CAMTA1: variants seen among roughly 807,000 people sequenced by gnomAD.
CAMTA1 encodes the protein calmodulin-binding transcription activator 1.
CAMTA1 carries 27 observed loss-of-function variants against 170.9 expected under a neutral mutation model. The ratio of observed to expected loss-of-function variants is 0.16; its 90% CI spans 0.12 to 0.22. The LOEUF (loss-of-function observed/expected upper bound fraction) is 0.22, where lower values mean the gene tolerates loss of function less well. Ranked by LOEUF, CAMTA1 falls within the 10% of genes least tolerant of loss-of-function variation. CAMTA1 has a pLI of 1.00. For missense variants in CAMTA1, 1,619 were observed against 2,217.2 expected, an observed-to-expected ratio of 0.73 and a Z score of 5.42; for synonymous variants, 833 against 891.5, an observed-to-expected ratio of 0.93 and a Z score of 1.17.
At chr1:7,317,189 G>A (rs934522094) in intron 5 of CAMTA1, among the ~76,000 whole-genome samples, 1 of 152,206 alleles carries the variant, frequency 6.6e-6, no homozygotes, top group East Asian at 1.9e-4. Context: ...CAGGCCTGCG[G>A]GAGTAGGAAG....
chr1:7,061,451 C>T (rs1276198897), intron 3 of CAMTA1, among the ~76,000 whole-genome samples: 1 of 152,198 alleles, frequency 6.6e-6, no homozygotes, highest in Non-Finnish European at 1.5e-5. Flanking sequence ...TGAGTAGCGG[C>T]GTCTGTGCCA....
At chr1:7,660,359 G>A (rs1576664758) in intron 7 of CAMTA1, among the ~76,000 whole-genome samples, 2 of 152,142 alleles carry the variant, frequency 1.3e-5, no homozygotes, top group African/African-American at 2.4e-5. Context: ...GAGCCACTGC[G>A]CCTGGCCTCT....
Position 7,007,183 on chromosome 1 carries a change from G to A in CAMTA1, c.235-84121G>A, listed in dbSNP as rs1222201114. Among the ~76,000 whole-genome samples the A allele has an allele frequency of 6.6e-6, 1 of 152,044 alleles. No individual in the cohort carries two copies. Among genetic ancestry groups the A allele is most frequent in the Non-Finnish European group, 1.5e-5 (1 of 68,010 alleles). Reference sequence around the variant, plus strand: ...AGAGAGGTGCTCTGCTGCTGGCTGCGGCAAGGAACTGATCACATAGGATCT... The same window carrying A: ...AGAGAGGTGCTCTGCTGCTGGCTGCAGCAAGGAACTGATCACATAGGATCT... On this transcript the variant is annotated intron_variant, in intron 3 of 22. Coordinates refer to ENST00000303635, the MANE Select transcript of CAMTA1 (RefSeq NM_015215.4). This position sits in a 1 kb window ranked among gnomAD's most constrained non-coding sequence, Gnocchi z 4.5.
chr1:7,400,545 T>G (rs1441800541), intron 5 of CAMTA1, among the ~76,000 whole-genome samples: 2 of 150,750 alleles, frequency 1.3e-5, no homozygotes, highest in Admixed American at 1.3e-4. Flanking sequence ...TTCTTTGTTG[T>G]TTTTTTTTCA....
chr1:7,767,980 A>G lies in CAMTA1; in HGVS notation c.*1489A>G, dbSNP rs1273424996. On this transcript the variant is annotated 3_prime_UTR_variant, in exon 23 of 23. Transcript: ENST00000303635. ...TATTTTATTTAAAATTTTTTTGCCA[A>G]TGGTGCCAAGTAATGTGAATGCTAA... The G allele has an allele frequency of 1.3e-5, 2 of 152,566 alleles. No homozygotes were observed. Among genetic ancestry groups the G allele is most frequent in the Admixed American group, 6.6e-5 (1 of 15,264 alleles). 9.5% of individuals were successfully genotyped at this position (152,566 alleles called of 1,614,324 possible). A position where few individuals can be genotyped will look rare whatever the true frequency, so the allele number is the denominator to read the frequency against.
chr1:6,887,650 T>C lies in CAMTA1; in HGVS notation c.234+62440T>C. 6.5e-7 allele frequency: 1 copy of C among 1,535,138 alleles called. No individual in the cohort carries two copies. Among genetic ancestry groups the C allele is most frequent in the East Asian group, 2.4e-5 (1 of 40,910 alleles). Reference sequence around the variant, plus strand: ...TTGACCCATTTTACACCTATTTATTTCAGGCTCTCACCACACACTTGTTCA... The same window carrying C: ...TTGACCCATTTTACACCTATTTATTCCAGGCTCTCACCACACACTTGTTCA... On this transcript the variant is annotated intron_variant, in intron 3 of 22. Transcript: ENST00000303635. The surrounding 1 kb of genome is among the most constrained non-coding windows in gnomAD (Gnocchi z 4.1).
chr1:7,744,627 C>T (rs2096844361), intron 16 of CAMTA1, among the ~76,000 whole-genome samples: 1 of 152,138 alleles, frequency 6.6e-6, no homozygotes, highest in African/African-American at 2.4e-5. Context: ...CAGACTATGA[C>T]TTGGAGATAA....
intron 5 of CAMTA1, among the ~76,000 whole-genome samples, chr1:7,275,483 T>C (rs559862382): frequency 1.2e-3 from 185 of 152,128 alleles, no homozygotes; most frequent in African/African-American, 4.4e-3. Flanking sequence ...AAGCTATCTC[T>C]CTTCAAAGAT....
chr1:7,701,229 C>G (rs2149498117), intron 11 of CAMTA1, among the ~76,000 whole-genome samples: 1 of 152,306 alleles, frequency 6.6e-6, no homozygotes, highest in Middle Eastern at 3.4e-3. Context: ...GTCTTACCCT[C>G]TATGGAATAT....
rs1378516999 is a variant in CAMTA1, at chr1:7,067,769, C to T, written c.235-23535C>T. 6.6e-6 allele frequency among the ~76,000 whole-genome samples: 1 copy of T among 152,200 alleles called. No homozygotes were observed. Among genetic ancestry groups the T allele is most frequent in the Non-Finnish European group, 1.5e-5 (1 of 68,040 alleles). Reference sequence around the variant, plus strand: ...GTGTTCAGGTGTCAGTGGCCAAATTCTTGGGGAGATGCCAGGGCCCTCTCC... The same window carrying T: ...GTGTTCAGGTGTCAGTGGCCAAATTTTTGGGGAGATGCCAGGGCCCTCTCC... On this transcript the variant is annotated intron_variant, in intron 3 of 22. Coordinates refer to ENST00000303635, the MANE Select transcript of CAMTA1 (RefSeq NM_015215.4). This position sits in a 1 kb window ranked among gnomAD's most constrained non-coding sequence, Gnocchi z 4.3.
intron 5 of CAMTA1, among the ~76,000 whole-genome samples, chr1:7,380,892 C>T (rs373674595): frequency 5.3e-5 from 8 of 152,254 alleles, no homozygotes; most frequent in Non-Finnish European, 1.0e-4. Flanking sequence ...GCAGTGGCCA[C>T]GGGACAATGA....
chr1:6,805,230 G>C (rs566147033), intron 1 of CAMTA1, among the ~76,000 whole-genome samples: 1 of 152,288 alleles, frequency 6.6e-6, no homozygotes, highest in African/African-American at 2.4e-5. Flanking sequence ...TTGTAGATGG[G>C]AAGTGGTATA....
At chr1:7,061,325 G>A (rs576980891) in intron 3 of CAMTA1, among the ~76,000 whole-genome samples, 10 of 152,318 alleles carry the variant, frequency 6.6e-5, no homozygotes, top group African/African-American at 2.2e-4. Flanking sequence ...CGTGTCCACC[G>A]TCCTGCTGGT....
intron 3 of CAMTA1, among the ~76,000 whole-genome samples, chr1:7,053,084 T>TG (rs1706699881): frequency 6.6e-6 from 1 of 152,134 alleles, no homozygotes; most frequent in South Asian, 2.1e-4. Flanking sequence ...AGGGAGCTCG[T>TG]GGGGGCGGCT....
chr1:7,130,772 G>T (rs1645202986), intron 4 of CAMTA1, among the ~76,000 whole-genome samples: 1 of 152,106 alleles, frequency 6.6e-6, no homozygotes, highest in Non-Finnish European at 1.5e-5. Flanking sequence ...CCAACTGTTT[G>T]TCTGTTTGCT....
chr1:6,904,601 G>C (rs1218247405), intron 3 of CAMTA1, among the ~76,000 whole-genome samples: 1 of 148,522 alleles, frequency 6.7e-6, no homozygotes, highest in Admixed American at 6.7e-5. Flanking sequence ...ATCGCCCCAG[G>C]CTGGAATGCA....
chr1:7,446,049 C>G (rs1156709741), intron 5 of CAMTA1, among the ~76,000 whole-genome samples: 1 of 152,054 alleles, frequency 6.6e-6, no homozygotes, highest in East Asian at 1.9e-4. Flanking sequence ...GTGGACAATC[C>G]CTCTCTGCTC....
chr1:7,590,187 C>T (rs1230306491), intron 6 of CAMTA1, among the ~76,000 whole-genome samples: 1 of 152,158 alleles, frequency 6.6e-6, no homozygotes, highest in Non-Finnish European at 1.5e-5. Context: ...CCAACACGGC[C>T]CTCACAATCA....
At chr1:6,814,640 A>G (rs1645574928) in intron 1 of CAMTA1, among the ~76,000 whole-genome samples, 1 of 152,204 alleles carries the variant, frequency 6.6e-6, no homozygotes, top group Non-Finnish European at 1.5e-5. Flanking sequence ...CTCCCTAACT[A>G]TCTAGGCACG....
Sources: allele counts gnomAD v4.1 joint callset (sites outside exome capture counted in the v4.1 genomes callset), GRCh38; gene constraint gnomAD v4.1.1; non-coding constraint Gnocchi (gnomAD v3.1); transcripts MANE v1.5; gene names NCBI Gene and HGNC (gene_info 2026-07-23, HGNC 2026-07-21).